The following NTN1 variants were observed in gnomAD, a reference collection of about 807,000 sequenced individuals.
NTN1 encodes netrin-1.
A neutral mutation model predicts 54.2 loss-of-function variants in NTN1; 11 were observed. The ratio of observed to expected loss-of-function variants is 0.20; its 90% confidence interval spans 0.13 to 0.34. The LOEUF is 0.34. Among genes scored for constraint, NTN1 ranks in the 10% least tolerant of loss-of-function variants. NTN1 has a pLI of 1.00. For synonymous variants in NTN1, 371 were observed against 382.0 expected, an observed-to-expected ratio of 0.97 and a Z score of 0.33; for missense variants, 740 against 893.1, an observed-to-expected ratio of 0.83 and a Z score of 2.18.
At chr17:9,025,110 C>T (rs1364632824) in intron 2 of NTN1, among the ~76,000 whole-genome samples, 3 of 152,208 alleles carry the variant, frequency 2.0e-5, no homozygotes, top group Admixed American at 2.0e-4. Flanking sequence ...TCTAATTGGA[C>T]AAATGCAAGT....
intron 5 of NTN1, among the ~76,000 whole-genome samples, chr17:9,200,603 A>G (rs1904754531): frequency 6.6e-6 from 1 of 152,220 alleles, no homozygotes; most frequent in Admixed American, 6.5e-5. Flanking sequence ...CAGGCTTGAT[A>G]GTAGCTTTTA....
upstream of NTN1, among the ~76,000 whole-genome samples, chr17:9,018,780 A>G (rs1348018305): frequency 6.6e-6 from 1 of 152,122 alleles, no homozygotes; most frequent in Non-Finnish European, 1.5e-5. Flanking sequence ...CTTTGCTGGA[A>G]TGTCTTTTCC....
chr17:9,025,661 G>C (rs530824698), intron 2 of NTN1, among the ~76,000 whole-genome samples: 59 of 152,320 alleles, frequency 3.9e-4, no homozygotes, highest in African/African-American at 1.4e-3. Flanking sequence ...GGGAACATCA[G>C]ATTGAAGTTC....
At chr17:9,193,931 A>AAAAAAAC (rs1555574981) in intron 5 of NTN1, among the ~76,000 whole-genome samples, 1 of 123,396 alleles carries the variant, frequency 8.1e-6, no homozygotes, top group Non-Finnish European at 1.6e-5. Flanking sequence ...AAAAAAAAAA[A>AAAAAAAC]AAAAAAAAAA....
chr17:9,100,140 C>T (rs571503628), intron 2 of NTN1, among the ~76,000 whole-genome samples: 15 of 150,964 alleles, frequency 9.9e-5, no homozygotes, highest in East Asian at 9.8e-4. Flanking sequence ...GGAAGTTATT[C>T]GAAACATCTT....
intron 2 of NTN1, among the ~76,000 whole-genome samples, chr17:9,089,590 C>T (rs929744410): frequency 6.6e-6 from 1 of 152,116 alleles, no homozygotes; most frequent in African/African-American, 2.4e-5. Context: ...GTGGGTTTTT[C>T]ACTGCTGGGT....
intron 5 of NTN1, among the ~76,000 whole-genome samples, chr17:9,208,445 C>T (rs538447843): frequency 4.7e-4 from 71 of 152,258 alleles, no homozygotes; most frequent in African/African-American, 1.4e-3. Context: ...GAGCAGTCAG[C>T]GGTGACCTGC....
chr17:9,145,436 G>A (rs1244649642), intron 2 of NTN1, among the ~76,000 whole-genome samples: 1 of 152,216 alleles, frequency 6.6e-6, no homozygotes, highest in Non-Finnish European at 1.5e-5. Flanking sequence ...GAGTCACAGG[G>A]TGGAGGTCTG....
chr17:9,082,726 T>TA (rs11438247), intron 2 of NTN1, among the ~76,000 whole-genome samples: 3 of 150,608 alleles, frequency 2.0e-5, no homozygotes, highest in Non-Finnish European at 3.0e-5. Context: ...TTTTTTTTTT[T>TA]AATTTTGGAT....
At chr17:9,081,606 C>CA (rs892216471) in intron 2 of NTN1, among the ~76,000 whole-genome samples, 2 of 152,196 alleles carry the variant, frequency 1.3e-5, no homozygotes, top group Non-Finnish European at 2.9e-5. Context: ...CCTTTCATCA[C>CA]AACAGGTTAA....
chr17:9,197,672 AAG>A (rs1341200931), intron 5 of NTN1, among the ~76,000 whole-genome samples: 2,026 of 150,632 alleles, frequency 0.013, 51 homozygotes, highest in African/African-American at 0.047. Flanking sequence ...AAAAAAAAAA[AAG>A]AAGGAAGAAA....
chr17:9,163,059 C>T (rs985138112), intron 3 of NTN1, 58 bp downstream of exon 3: 85 of 1,496,256 alleles, frequency 5.7e-5, no homozygotes, highest in South Asian at 5.2e-4. Context: ...TCAGTCCTCC[C>T]GCTCCCTCCT....
At chr17:9,131,188 C>T (rs962765003) in intron 2 of NTN1, among the ~76,000 whole-genome samples, 2 of 152,196 alleles carry the variant, frequency 1.3e-5, no homozygotes, top group Non-Finnish European at 2.9e-5. Context: ...ATGTCATTGA[C>T]TCAACAAGGG....
intron 2 of NTN1, among the ~76,000 whole-genome samples, chr17:9,096,638 T>G (rs528572087): frequency 6.6e-6 from 1 of 152,224 alleles, no homozygotes; most frequent in Admixed American, 6.5e-5. Flanking sequence ...CCCAAAGTGC[T>G]GGGATTACAG....
chr17:9,203,807 AAAAAGG>A (rs906432831), intron 5 of NTN1, among the ~76,000 whole-genome samples: 1 of 151,860 alleles, frequency 6.6e-6, no homozygotes, highest in Non-Finnish European at 1.5e-5. Context: ...TGTCTCATAA[AAAAAGG>A]AAAAGAAAAA....
chr17:9,091,454 CTTTT>C (rs56181757), intron 2 of NTN1, among the ~76,000 whole-genome samples: 2 of 135,370 alleles, frequency 1.5e-5, no homozygotes, highest in Non-Finnish European at 1.6e-5. Context: ...AACCCCCCGC[CTTTT>C]TTTTTTTTTT....
Position 9,165,295 on chromosome 17 carries a change from C to T in NTN1, c.1207+2294C>T, listed in dbSNP as rs1319486042. 6.6e-6 allele frequency among the ~76,000 whole-genome samples: 1 copy of T among 152,214 alleles called. No individual in the cohort carries two copies. The highest frequency in any genetic ancestry group is 1.5e-5 in the Non-Finnish European group (1 of 68,036). The stretch of plus-strand genomic sequence containing the variant: ...TGTGGACAGGGACAAGAGCCATTTG[C>T]AGCCTCTCACCACTCAGAGTGAGAG... On this transcript the variant is annotated intron_variant, in intron 3 of 6. Coordinates refer to ENST00000173229, the MANE Select transcript of NTN1 (RefSeq NM_004822.3). This position sits in a 1 kb window ranked among gnomAD's most constrained non-coding sequence, Gnocchi z 4.5.
chr17:9,183,008 TGGGTGGTG>T (rs749712226), intron 5 of NTN1, 39 bp downstream of exon 5: 31 of 1,452,144 alleles, frequency 2.1e-5, no homozygotes, highest in Middle Eastern at 1.8e-4. Context: ...CCGCTTTTGC[TGGGTGGTG>T]GGGTGGTGGG....
chr17:9,128,183 G>C (rs1337368303), intron 2 of NTN1, among the ~76,000 whole-genome samples: 1 of 151,828 alleles, frequency 6.6e-6, no homozygotes, highest in Non-Finnish European at 1.5e-5. Context: ...GGTGATGCAT[G>C]CCTGTAATCC....
Sources: gnomAD v4.1 joint callset for allele counts (sites outside exome capture counted in the v4.1 genomes callset) on GRCh38, gnomAD v4.1.1 for gene constraint, Gnocchi (gnomAD v3.1) non-coding constraint, MANE v1.5 for transcripts, NCBI Gene and HGNC (gene_info 2026-07-23, HGNC 2026-07-21) for gene names.